PARD3: variants seen among roughly 807,000 people sequenced by gnomAD.
PARD3 encodes partitioning defective 3 homolog.
PARD3 carries 75 observed loss-of-function variants against 155.4 expected under a neutral mutation model. The ratio of observed to expected loss-of-function variants is 0.48; its 90% confidence interval spans 0.40 to 0.58. The LOEUF is 0.58. Ranked by LOEUF, PARD3 falls within the 20% of genes least tolerant of loss-of-function variation. The pLI is 0.00. For missense variants in PARD3, 1,642 were observed against 1,721.7 expected, an observed-to-expected ratio of 0.95 and a Z score of 0.82; for synonymous variants, 576 against 610.5, an observed-to-expected ratio of 0.94 and a Z score of 0.83.
At chr10:34,443,842 A>G (rs2076597290) in intron 5 of PARD3, among the ~76,000 whole-genome samples, 1 of 152,214 alleles carries the variant, frequency 6.6e-6, no homozygotes, top group East Asian at 1.9e-4. Context: ...ACAAAGGTAT[A>G]TAAAATAAAA....
intron 7 of PARD3, among the ~76,000 whole-genome samples, chr10:34,385,226 T>G (rs999742550): frequency 1.3e-5 from 2 of 152,120 alleles, no homozygotes. Flanking sequence ...CTCCACCACC[T>G]GGGTTCAAGC....
At chr10:34,399,552 T>C in intron 6 of PARD3, 139 bp from the exon 7 acceptor site, 1 of 650,520 alleles carries the variant, frequency 1.5e-6, no homozygotes, top group Non-Finnish European at 2.8e-6. Flanking sequence ...TCCCACCAAG[T>C]GCATAGGCAT....
intron 20 of PARD3, among the ~76,000 whole-genome samples, chr10:34,300,588 C>T (rs981720710): frequency 3.3e-5 from 5 of 151,664 alleles, no homozygotes; most frequent in Non-Finnish European, 2.9e-5. Context: ...TGCTCTACTG[C>T]ACTCTAGCCT....
chr10:34,765,552 C>T (rs1837984358), intron 1 of PARD3, among the ~76,000 whole-genome samples: 1 of 152,064 alleles, frequency 6.6e-6, no homozygotes, highest in Admixed American at 6.6e-5. Context: ...GTGGTGCATA[C>T]CTGTCATCCC....
At chr10:34,457,390 T>C (rs935888622) in intron 4 of PARD3, among the ~76,000 whole-genome samples, 10 of 152,172 alleles carry the variant, frequency 6.6e-5, no homozygotes, top group Non-Finnish European at 1.3e-4. Context: ...CTAATCCACT[T>C]TGACAGAGAA....
rs190364879 is a variant in PARD3, at chr10:34,803,188, G to A, written c.120+11688C>T. Among the ~76,000 whole-genome samples the A allele has an allele frequency of 2.9e-3, 436 of 150,420 alleles. 1 individual carries two copies. The highest frequency in any genetic ancestry group is 1.0e-2 in the African/African-American group (406 of 40,800). On this transcript the variant is annotated intron_variant, in intron 1 of 24. Coordinates refer to ENST00000374788, the MANE Select transcript of PARD3 (RefSeq NM_001184785.2). ...CAGGAGACGGACGTTGCAGTGAGCC[G>A]AGATCAAACCACTGCACTCCAGCCT...
intron 2 of PARD3, among the ~76,000 whole-genome samples, chr10:34,567,650 C>T (rs1112133): frequency 0.014 from 2,194 of 152,304 alleles, 51 homozygotes; most frequent in African/African-American, 0.05. Context: ...ATACAAACAT[C>T]AGTTATGCAC....
intron 19 of PARD3, among the ~76,000 whole-genome samples, chr10:34,321,041 T>TA (rs1184868664): frequency 6.6e-6 from 1 of 152,212 alleles, no homozygotes; most frequent in Non-Finnish European, 1.5e-5. Flanking sequence ...ATCCTGCTCC[T>TA]ATGCAGAAAT....
At chr10:34,632,665 A>G (rs1467137383) in intron 2 of PARD3, among the ~76,000 whole-genome samples, 2 of 152,242 alleles carry the variant, frequency 1.3e-5, no homozygotes, top group African/African-American at 4.8e-5. Context: ...AAAAATGTAT[A>G]TTTTGAAAAT....
chr10:34,122,804 C>G (rs1947077617), intron 23 of PARD3, among the ~76,000 whole-genome samples: 1 of 152,156 alleles, frequency 6.6e-6, no homozygotes, highest in South Asian at 2.1e-4. Context: ...CTCTTAAAAA[C>G]AAAAACTGGA....
chr10:34,275,485 A>T (rs926680563), intron 21 of PARD3, among the ~76,000 whole-genome samples: 1 of 152,196 alleles, frequency 6.6e-6, no homozygotes, highest in African/African-American at 2.4e-5. Context: ...TTTTGAAACT[A>T]AGCATGCACT....
intron 1 of PARD3, among the ~76,000 whole-genome samples, chr10:34,773,387 G>T (rs980211575): frequency 1.3e-5 from 2 of 152,008 alleles, no homozygotes; most frequent in African/African-American, 2.4e-5. Context: ...TCCTCTTGTT[G>T]AACTTCTGAA....
At chr10:34,779,719 A>G (rs182986459) in intron 1 of PARD3, among the ~76,000 whole-genome samples, 2 of 152,362 alleles carry the variant, frequency 1.3e-5, no homozygotes, top group African/African-American at 2.4e-5. Flanking sequence ...AGAAAGATGC[A>G]TTACCTGACA....
chr10:34,814,832 T>TGC, intron 1 of PARD3, 44 bp downstream of exon 1: 130 of 1,202,086 alleles, frequency 1.1e-4, no homozygotes, highest in Middle Eastern at 2.8e-4. Context: ...CCCGGCGCCG[T>TGC]CCCCGCCGCC....
chr10:34,247,789 T>C (rs1383545550), intron 22 of PARD3, among the ~76,000 whole-genome samples: 2 of 152,244 alleles, frequency 1.3e-5, no homozygotes, highest in Non-Finnish European at 2.9e-5. Context: ...TGACTCAGAA[T>C]GGTGTATACA....
chr10:34,678,135 G>C (rs866624269), intron 2 of PARD3, among the ~76,000 whole-genome samples: 1 of 152,072 alleles, frequency 6.6e-6, no homozygotes, highest in Non-Finnish European at 1.5e-5. Context: ...ATGCAGTGGT[G>C]CAATCTCGGC....
Position 34,467,042 on chromosome 10 carries a change from AT to A in PARD3, c.582+3042del, listed in dbSNP as rs1384533840. Among the ~76,000 whole-genome samples, 4 of 152,252 alleles carry A rather than the reference AT, an allele frequency of 2.6e-5. No homozygotes were observed. In the South Asian group the frequency reaches 6.2e-4, roughly 24 times the overall value. ...TGGGAAAGTATGGGCATCTGGTTAC[AT>A]TAAATACTGCTCCATGGAAGTAAAA... On this transcript the variant is annotated intron_variant, in intron 4 of 24. Coordinates refer to ENST00000374788, the MANE Select transcript of PARD3 (RefSeq NM_001184785.2).
intron 14 of PARD3, among the ~76,000 whole-genome samples, chr10:34,356,176 T>C (rs966186327): frequency 6.6e-6 from 1 of 152,146 alleles, no homozygotes; most frequent in South Asian, 2.1e-4. Context: ...ATGTCTCCAA[T>C]GTGCCCTGTC....
chr10:34,338,449 C>G (rs1052823368), intron 16 of PARD3, among the ~76,000 whole-genome samples: 1 of 152,198 alleles, frequency 6.6e-6, no homozygotes, highest in African/African-American at 2.4e-5. Flanking sequence ...ATATCAGGTC[C>G]GGCCACCTTG....
Sources: allele counts gnomAD v4.1 joint callset (sites outside exome capture counted in the v4.1 genomes callset), GRCh38; gene constraint gnomAD v4.1.1; transcripts MANE v1.5; gene names NCBI Gene and HGNC (gene_info 2026-07-23, HGNC 2026-07-21).